Variants in ZNF33B observed in about 807,000 individuals in gnomAD.
ZNF33B encodes the protein zinc finger protein 33B, also known as zinc finger protein 11b (KOX 2).
A neutral mutation model predicts 45.8 loss-of-function variants in ZNF33B; 29 were observed. That is an observed-to-expected ratio of 0.63 (90% CI 0.47 to 0.86). The LOEUF (loss-of-function observed/expected upper bound fraction) is 0.86. ZNF33B is among the 40% of genes least tolerant of loss of function. The pLI is 0.00. For missense variants in ZNF33B, 831 were observed against 909.9 expected, an observed-to-expected ratio of 0.91 and a Z score of 1.12; for synonymous variants, 305 against 307.8, an observed-to-expected ratio of 0.99 and a Z score of 0.10.
intron 4 of ZNF33B, among the ~76,000 whole-genome samples, chr10:42,599,177 T>C (rs1349327483): frequency 2.0e-5 from 3 of 152,154 alleles, no homozygotes; most frequent in Non-Finnish European, 2.9e-5. Flanking sequence ...TGATACATCA[T>C]TCTTATTTTT....
chr10:42,606,635 A>G (rs1837866651), intron 4 of ZNF33B, among the ~76,000 whole-genome samples: 1 of 152,056 alleles, frequency 6.6e-6, no homozygotes, highest in Non-Finnish European at 1.5e-5. Flanking sequence ...TTTAAAAGAC[A>G]TCAACACATG....
Position 42,592,343 on chromosome 10 carries a change from C to T in ZNF33B, c.*270G>A. ...TAACATAATCCTATTTGTAGTTTTG[C>T]CAAAAACTTTCACAAATTCAAAAAA... On this transcript the variant is annotated 3_prime_UTR_variant, in exon 5 of 5. Coordinates refer to ENST00000359467, the MANE Select transcript of ZNF33B (RefSeq NM_006955.3). The T allele has an allele frequency of 1.6e-6, 1 of 618,042 alleles. No homozygotes were observed. The highest frequency in any genetic ancestry group is 2.4e-6 in the Non-Finnish European group (1 of 423,244). The allele number at this position is 618,042 out of a possible 1,614,324, so 38.3% of individuals were successfully genotyped here.
chr10:42,633,107 G>A (rs1472104389), intron 2 of ZNF33B, among the ~76,000 whole-genome samples: 2 of 152,168 alleles, frequency 1.3e-5, no homozygotes, highest in African/African-American at 4.8e-5. Context: ...CATTTATTAT[G>A]AATTCTAATT....
At chr10:42,635,109 C>T (rs928383103) in intron 2 of ZNF33B, among the ~76,000 whole-genome samples, 16 of 152,038 alleles carry the variant, frequency 1.1e-4, no homozygotes, top group African/African-American at 3.9e-4. Flanking sequence ...GGTGTGATGG[C>T]ATGTGCCTGT....
intron 4 of ZNF33B, among the ~76,000 whole-genome samples, chr10:42,623,851 A>C (rs1838691772): frequency 6.6e-6 from 1 of 152,242 alleles, no homozygotes; most frequent in Admixed American, 6.5e-5. Context: ...TACACACAAA[A>C]CAATATATTG....
In ZNF33B at chr10:42,598,781, T is replaced by C. The variant is rs1275567537; in HGVS notation, c.251-4082A>G. Among the ~76,000 whole-genome samples, 4 of 152,230 alleles carry C rather than the reference T, an allele frequency of 2.6e-5. No individual in the cohort carries two copies. In the East Asian group the frequency reaches 5.8e-4, roughly 22 times the overall value. On this transcript the variant is annotated intron_variant, in intron 4 of 4. Coordinates refer to ENST00000359467, the MANE Select transcript of ZNF33B (RefSeq NM_006955.3). ...ATGAGGTATTAATAACCTTGTTATA[T>C]ACCACTGGTTTCTAATCACTAGTGT... is the stretch of plus-strand genomic sequence containing the variant.
Position 42,638,375 on chromosome 10 carries a change from C to T in ZNF33B, c.-45+99G>A, listed in dbSNP as rs148574034. The T allele has an allele frequency of 1.7e-3, 573 of 333,042 alleles. 10 individuals are homozygous for T. The East Asian group carries it at 0.044, about 26-fold the overall frequency. The allele number at this position is 333,042 out of a possible 1,614,324, so 20.6% of individuals were successfully genotyped here. A position where few individuals can be genotyped will look rare whatever the true frequency, so the allele number is the denominator to read the frequency against. ...GTCCCCGGCTTCTCCGTGAGGTCCC[C>T]GGGACTCCTCGCCACCACCTGGCAC... On this transcript the variant is annotated intron_variant, in intron 1 of 4. Coordinates refer to ENST00000359467, the MANE Select transcript of ZNF33B (RefSeq NM_006955.3).
chr10:42,636,559 C>G (rs1406475053), intron 2 of ZNF33B, among the ~76,000 whole-genome samples: 5 of 152,216 alleles, frequency 3.3e-5, no homozygotes, highest in African/African-American at 1.2e-4. Context: ...CGGTGGCTCA[C>G]ACTTGTAATC....
chr10:42,615,017 G>C (rs551867245), intron 4 of ZNF33B, among the ~76,000 whole-genome samples: 2 of 151,540 alleles, frequency 1.3e-5, no homozygotes, highest in African/African-American at 4.8e-5. Context: ...ACCACAATGA[G>C]ATACCTCTTT....
chr10:42,615,379 T>C (rs1403257218), intron 4 of ZNF33B, among the ~76,000 whole-genome samples: 2 of 152,338 alleles, frequency 1.3e-5, no homozygotes, highest in South Asian at 2.1e-4. Context: ...TACCATGTTA[T>C]ATGGTAATAA....
chr10:42,612,814 T>A (rs756588166), intron 4 of ZNF33B, among the ~76,000 whole-genome samples: 1 of 152,186 alleles, frequency 6.6e-6, no homozygotes. Flanking sequence ...AAATCACCAA[T>A]GAAACCAAAA....
intron 4 of ZNF33B, among the ~76,000 whole-genome samples, chr10:42,630,044 G>A (rs1429212019): frequency 6.6e-6 from 1 of 152,058 alleles, no homozygotes; most frequent in Non-Finnish European, 1.5e-5. Flanking sequence ...AGAAACTCAC[G>A]AGAAAAATAT....
At position 42,589,225 on chromosome 10, in the gene ZNF33B, T is replaced by C. The variant is rs973666953; in HGVS notation, c.*3388A>G. On this transcript the variant is annotated 3_prime_UTR_variant, in exon 5 of 5. Coordinates refer to ENST00000359467, the MANE Select transcript of ZNF33B (RefSeq NM_006955.3). ...GAATTCTCATATAAACCTTTAACCC[T>C]CCCATCCTCCACAGGCTCCCCAATT... 1 of 152,614 alleles carries C rather than the reference T, an allele frequency of 6.6e-6. No individual in the cohort carries two copies. Among genetic ancestry groups the C allele is most frequent in the Non-Finnish European group, 1.5e-5 (1 of 68,430 alleles). The allele number at this position is 152,614 out of a possible 1,614,324, so 9.5% of individuals were successfully genotyped here. A position where few individuals can be genotyped will look rare whatever the true frequency, so the allele number is the denominator to read the frequency against.
At chr10:42,628,482 C>A (rs1838912851) in intron 4 of ZNF33B, among the ~76,000 whole-genome samples, 1 of 152,200 alleles carries the variant, frequency 6.6e-6, no homozygotes, top group South Asian at 2.1e-4. Flanking sequence ...CTTTTCAACT[C>A]AATCAGTTTT....
At chr10:42,616,866 T>C (rs1195302862) in intron 4 of ZNF33B, among the ~76,000 whole-genome samples, 1 of 151,760 alleles carries the variant, frequency 6.6e-6, no homozygotes, top group Admixed American at 6.6e-5. Flanking sequence ...CGGCTAATTT[T>C]TTGTATTTTA....
intron 2 of ZNF33B, among the ~76,000 whole-genome samples, chr10:42,633,764 T>C (rs1023755252): frequency 2.0e-5 from 3 of 152,102 alleles, no homozygotes; most frequent in Non-Finnish European, 2.9e-5. Flanking sequence ...GGACAGGAGT[T>C]CGAGACCAGC....
At chr10:42,600,581 G>A (rs1279994484) in intron 4 of ZNF33B, among the ~76,000 whole-genome samples, 1 of 151,996 alleles carries the variant, frequency 6.6e-6, no homozygotes, top group African/African-American at 2.4e-5. Flanking sequence ...TCCTTTATAG[G>A]CAGCATGATT....
intron 4 of ZNF33B, among the ~76,000 whole-genome samples, chr10:42,600,662 T>C (rs923380939): frequency 2.0e-5 from 3 of 152,216 alleles, no homozygotes; most frequent in Non-Finnish European, 4.4e-5. Context: ...CATTTATATT[T>C]TCTGTGATCA....
At chr10:42,625,446 A>G (rs902243055) in intron 4 of ZNF33B, among the ~76,000 whole-genome samples, 8 of 152,202 alleles carry the variant, frequency 5.3e-5, no homozygotes, top group Middle Eastern at 3.4e-3. Context: ...GAAATCATTC[A>G]TTCATTCTGG....
Sources: allele counts gnomAD v4.1 joint callset (sites outside exome capture counted in the v4.1 genomes callset), GRCh38; gene constraint gnomAD v4.1.1; transcripts MANE v1.5; gene names NCBI Gene and HGNC (gene_info 2026-07-23, HGNC 2026-07-21).